The following SEZ6L variants were observed in gnomAD, a reference collection of about 807,000 sequenced individuals.
The protein encoded by SEZ6L is seizure related 6 homolog like, also known as seizure 6-like protein.
Under a neutral mutation model 106.2 loss-of-function variants are expected in SEZ6L, and 37 were observed. The ratio of observed to expected loss-of-function variants is 0.35; its 90% confidence interval spans 0.27 to 0.46. SEZ6L has a LOEUF of 0.46. SEZ6L is among the 20% of genes least tolerant of loss of function. SEZ6L has a pLI of 1.00. For synonymous variants in SEZ6L, 541 were observed against 570.4 expected (o/e 0.95, Z 0.73); for missense variants, 1,172 against 1,332.8 (o/e 0.88, Z 1.88).
chr22:26,177,369 C>CT (rs1158085893), intron 1 of SEZ6L, among the ~76,000 whole-genome samples: 7 of 152,174 alleles, frequency 4.6e-5, no homozygotes, highest in African/African-American at 1.7e-4. Context: ...AAGAAAAAAC[C>CT]TTTGTGCAAA....
intron 12 of SEZ6L, among the ~76,000 whole-genome samples, chr22:26,363,492 A>G (rs189516644): frequency 1.3e-5 from 2 of 152,362 alleles, no homozygotes; most frequent in Non-Finnish European, 2.9e-5. Context: ...GGGTATGAGC[A>G]TATATGAGTT....
intron 5 of SEZ6L, among the ~76,000 whole-genome samples, chr22:26,301,137 A>T (rs1367615410): frequency 1.3e-5 from 2 of 152,218 alleles, no homozygotes; most frequent in Non-Finnish European, 2.9e-5. Context: ...AGGCTCATGT[A>T]GGTGAAGTCA....
chr22:26,298,136 T>C (rs1217671988), intron 4 of SEZ6L, among the ~76,000 whole-genome samples: 1 of 152,206 alleles, frequency 6.6e-6, no homozygotes, highest in Non-Finnish European at 1.5e-5. Context: ...GTCCACTTCA[T>C]CACAACTTTT....
rs1345830025 is a variant in SEZ6L, at chr22:26,292,458, A to G, written c.147A>G (p.Ser49=). The change falls in exon 2 of 17, where the codon TCA becomes TCG. Residue 49 remains serine, a synonymous_variant. Transcript: ENST00000248933. The part of the protein sequence containing the change: ...ASPLGPYLLP[S]GAPERGSPGK... ...CTTTGGGTCCTTACCTCCTGCCCTC[A>G]GGAGCCCCGGAGAGAGGCAGTCCTG... is the stretch of plus-strand genomic sequence containing the variant. The G allele has an allele frequency of 6.2e-7, 1 of 1,613,952 alleles. No homozygotes were observed. Among genetic ancestry groups the G allele is most frequent in the South Asian group, 1.1e-5 (1 of 91,012 alleles).
intron 1 of SEZ6L, among the ~76,000 whole-genome samples, chr22:26,280,927 C>T (rs1370998647): frequency 6.6e-6 from 1 of 152,162 alleles, no homozygotes; most frequent in Non-Finnish European, 1.5e-5. Flanking sequence ...AATCTAATCT[C>T]TTAGCCATTT....
At chr22:26,303,155 T>C (rs928334176) in intron 5 of SEZ6L, among the ~76,000 whole-genome samples, 6 of 152,174 alleles carry the variant, frequency 3.9e-5, no homozygotes, top group Non-Finnish European at 8.8e-5. Context: ...CACAGAACAA[T>C]CTCTCCTCTA....
chr22:26,351,462 A>C, intron 12 of SEZ6L: 1 of 476,282 alleles, frequency 2.1e-6, no homozygotes, highest in Non-Finnish European at 3.7e-6. Flanking sequence ...CTTCTACCAA[A>C]TTTCACTCTT....
At chr22:26,327,716 C>T (rs1245660362) in intron 9 of SEZ6L, among the ~76,000 whole-genome samples, 4 of 152,068 alleles carry the variant, frequency 2.6e-5, no homozygotes, top group Non-Finnish European at 5.9e-5. Flanking sequence ...CACGCACATG[C>T]GCCACACACT....
At chr22:26,377,827 T>C (rs775570774) in intron 16 of SEZ6L, 52 bp downstream of exon 16, 2 of 1,313,498 alleles carry the variant, frequency 1.5e-6, no homozygotes, top group Non-Finnish European at 2.2e-6. Flanking sequence ...TTGCTCTGAA[T>C]TCACCAACAA....
chr22:26,282,545 C>A (rs1339448564), intron 1 of SEZ6L, among the ~76,000 whole-genome samples: 1 of 152,144 alleles, frequency 6.6e-6, no homozygotes, highest in Non-Finnish European at 1.5e-5. Context: ...AGCATGTCTG[C>A]AAAGCACCCT....
At chr22:26,192,242 C>A (rs915701528) in intron 1 of SEZ6L, among the ~76,000 whole-genome samples, 10 of 152,190 alleles carry the variant, frequency 6.6e-5, no homozygotes. Flanking sequence ...TTCCATCTCT[C>A]CATCAACCTG....
intron 1 of SEZ6L, among the ~76,000 whole-genome samples, chr22:26,261,080 A>AT (rs1353363877): frequency 1.4e-5 from 2 of 143,456 alleles, no homozygotes; most frequent in African/African-American, 5.3e-5. Flanking sequence ...TGATGGGATT[A>AT]TTTGTTTTTT....
At chr22:26,260,434 AGTTCCATCCAC>A (rs1354392132) in intron 1 of SEZ6L, among the ~76,000 whole-genome samples, 1 of 152,196 alleles carries the variant, frequency 6.6e-6, no homozygotes, top group African/African-American at 2.4e-5. Flanking sequence ...AATAGTCTTC[AGTTCCATCCAC>A]GTTGCTTCAA....
At chr22:26,241,723 A>T (rs533107715) in intron 1 of SEZ6L, among the ~76,000 whole-genome samples, 1 of 152,076 alleles carries the variant, frequency 6.6e-6, no homozygotes, top group Admixed American at 6.5e-5. Flanking sequence ...AAAAACAAAC[A>T]CTTCTAAAAT....
chr22:26,307,090 A>G (rs1347664502), intron 6 of SEZ6L, among the ~76,000 whole-genome samples: 2 of 152,194 alleles, frequency 1.3e-5, no homozygotes, highest in Admixed American at 1.3e-4. Context: ...TGTCCACTGG[A>G]AACCTCTGGG....
At chr22:26,178,485 C>A (rs938738131) in intron 1 of SEZ6L, among the ~76,000 whole-genome samples, 10 of 152,072 alleles carry the variant, frequency 6.6e-5, no homozygotes, top group African/African-American at 2.4e-4. Flanking sequence ...TTGGTGCCAG[C>A]CCGGAGCAAG....
intron 12 of SEZ6L, among the ~76,000 whole-genome samples, chr22:26,363,313 A>C (rs1346318273): frequency 1.3e-5 from 2 of 152,240 alleles, no homozygotes; most frequent in Non-Finnish European, 2.9e-5. Context: ...GCTGGGACCT[A>C]TACTGTACTG....
chr22:26,318,396 G>A (rs1251760194), intron 9 of SEZ6L, among the ~76,000 whole-genome samples: 1 of 130,360 alleles, frequency 7.7e-6, no homozygotes, highest in African/African-American at 3.1e-5. Context: ...TTTAAAAATA[G>A]CATCCCCTCC....
intron 1 of SEZ6L, among the ~76,000 whole-genome samples, chr22:26,245,517 A>G (rs1263090074): frequency 6.6e-6 from 1 of 152,124 alleles, no homozygotes; most frequent in Non-Finnish European, 1.5e-5. Flanking sequence ...GCCACCTGGA[A>G]AATGGGCTGA....
Sources: allele counts gnomAD v4.1 joint callset (sites outside exome capture counted in the v4.1 genomes callset), GRCh38; gene constraint gnomAD v4.1.1; transcripts MANE v1.5; gene names NCBI Gene and HGNC (gene_info 2026-07-23, HGNC 2026-07-21).